CNTNAP2: variants seen among roughly 807,000 people sequenced by gnomAD.
CNTNAP2 encodes contactin associated protein 2, also known as contactin-associated protein-like 2.
CNTNAP2 carries 98 observed loss-of-function variants against 155.2 expected under a neutral mutation model. That is an observed-to-expected ratio of 0.63 (90% CI 0.54 to 0.75). The LOEUF is 0.75. Among genes scored for constraint, CNTNAP2 ranks in the 30% least tolerant of loss-of-function variants. The probability of loss-of-function intolerance (pLI) is 0.00; values close to 1 mark genes in which losing one functional copy is unlikely to be tolerated. For missense variants in CNTNAP2, 1,727 were observed against 1,688.1 expected (o/e 1.02, Z -0.40); for synonymous variants, 651 against 631.2 (o/e 1.03, Z -0.47).
intron 23 of CNTNAP2, among the ~76,000 whole-genome samples, chr7:148,411,502 G>C (rs1799836357): frequency 6.6e-6 from 1 of 152,142 alleles, no homozygotes; most frequent in Admixed American, 6.5e-5. Flanking sequence ...CTGACCTCAA[G>C]TGATCCACTC....
chr7:148,081,929 G>A (rs1489906731), intron 15 of CNTNAP2, among the ~76,000 whole-genome samples: 1 of 152,100 alleles, frequency 6.6e-6, no homozygotes, highest in Admixed American at 6.6e-5. Context: ...GCTGATAGAT[G>A]GAGTAAGCAT....
At chr7:146,715,287 G>A (rs867832783) in intron 1 of CNTNAP2, among the ~76,000 whole-genome samples, 7 of 152,092 alleles carry the variant, frequency 4.6e-5, no homozygotes, top group Non-Finnish European at 1.0e-4. Flanking sequence ...AGCAGAGATC[G>A]TGCCATTGCG....
intron 3 of CNTNAP2, among the ~76,000 whole-genome samples, chr7:147,027,004 GAAA>G (rs57810224): frequency 1.5e-5 from 1 of 67,458 alleles, no homozygotes; most frequent in East Asian, 5.6e-4. Flanking sequence ...AAACAGAACA[GAAA>G]AAAAAAAAAA....
chr7:147,483,531 T>G (rs1203414266), intron 10 of CNTNAP2, among the ~76,000 whole-genome samples: 1 of 152,160 alleles, frequency 6.6e-6, no homozygotes, highest in African/African-American at 2.4e-5. Context: ...CACATTTAGA[T>G]TCCAGCCTGG....
chr7:148,247,842 TG>T (rs1796300641), intron 20 of CNTNAP2, among the ~76,000 whole-genome samples: 2 of 151,524 alleles, frequency 1.3e-5, no homozygotes, highest in Admixed American at 1.3e-4. Flanking sequence ...TTAGTAGAGA[TG>T]AAGTTTCATC....
intron 15 of CNTNAP2, among the ~76,000 whole-genome samples, chr7:148,018,642 G>A (rs967414082): frequency 1.3e-5 from 2 of 152,178 alleles, no homozygotes; most frequent in African/African-American, 2.4e-5. Context: ...CCTTTTACTC[G>A]GTAGCAAAAG....
chr7:148,368,657 C>G (rs946235253), intron 21 of CNTNAP2, among the ~76,000 whole-genome samples: 5 of 152,196 alleles, frequency 3.3e-5, no homozygotes, highest in Admixed American at 3.3e-4. Flanking sequence ...CCGGGAGCAT[C>G]GGCAAGACTC....
intron 3 of CNTNAP2, among the ~76,000 whole-genome samples, chr7:146,945,853 G>GA (rs1425125224): frequency 1.6e-4 from 25 of 152,058 alleles, no homozygotes; most frequent in Admixed American, 1.3e-4. Context: ...TCTCCAGAAA[G>GA]AGTACAATGA....
chr7:147,476,929 TA>T (rs1220005381), intron 10 of CNTNAP2, among the ~76,000 whole-genome samples: 4,750 of 18,260 alleles, frequency 0.26, 156 homozygotes, highest in African/African-American at 0.39. Context: ...CTCTGTCATT[TA>T]AAAAAAAAAA....
chr7:146,445,120 A>AC (rs35515083), intron 1 of CNTNAP2, among the ~76,000 whole-genome samples: 81,650 of 152,040 alleles, frequency 0.54, 25,648 homozygotes, highest in African/African-American at 0.88. Flanking sequence ...AGTCACCAAA[A>AC]TTTTTATCCA....
intron 10 of CNTNAP2, among the ~76,000 whole-genome samples, chr7:147,469,610 C>T (rs1326726682): frequency 6.7e-6 from 1 of 149,358 alleles, no homozygotes; most frequent in African/African-American, 2.5e-5. Flanking sequence ...GCTCCGCCTC[C>T]CGGGTTCAAG....
intron 1 of CNTNAP2, among the ~76,000 whole-genome samples, chr7:146,310,695 C>T (rs183550573): frequency 5.9e-4 from 90 of 152,136 alleles, no homozygotes; most frequent in African/African-American, 1.4e-3. Flanking sequence ...TTACTTACTA[C>T]GATCAAAGTA....
intron 15 of CNTNAP2, among the ~76,000 whole-genome samples, chr7:148,072,003 T>C (rs546955995): frequency 2.0e-5 from 3 of 152,336 alleles, no homozygotes; most frequent in African/African-American, 7.2e-5. Flanking sequence ...CTGACTAGCG[T>C]ATTAGTTAAT....
intron 12 of CNTNAP2, among the ~76,000 whole-genome samples, chr7:147,602,547 G>A (rs1425296800): frequency 6.7e-6 from 1 of 149,816 alleles, no homozygotes; most frequent in Non-Finnish European, 1.5e-5. Context: ...GTGCAGGTTA[G>A]TTACATATGT....
intron 3 of CNTNAP2, among the ~76,000 whole-genome samples, chr7:147,027,414 A>C (rs1798943872): frequency 6.6e-6 from 1 of 152,240 alleles, no homozygotes; most frequent in African/African-American, 2.4e-5. Flanking sequence ...CACCAATATA[A>C]CAAACATATT....
chr7:148,318,339 TCACACC>T (rs1797728831), intron 21 of CNTNAP2, among the ~76,000 whole-genome samples: 2 of 152,322 alleles, frequency 1.3e-5, no homozygotes, highest in South Asian at 4.1e-4. Context: ...ATGCGAATGT[TCACACC>T]CTTCAATGTG....
intron 15 of CNTNAP2, among the ~76,000 whole-genome samples, chr7:148,114,804 A>G (rs1354132365): frequency 1.3e-5 from 2 of 152,224 alleles, no homozygotes; most frequent in African/African-American, 4.8e-5. Context: ...ATAAAGTATA[A>G]CTAAAATCGA....
At chr7:147,785,582 G>T (rs1441574050) in intron 13 of CNTNAP2, among the ~76,000 whole-genome samples, 3 of 152,208 alleles carry the variant, frequency 2.0e-5, no homozygotes, top group Non-Finnish European at 4.4e-5. Context: ...AAGAGTTGGG[G>T]ATGCTTGAAT....
intron 10 of CNTNAP2, among the ~76,000 whole-genome samples, chr7:147,479,289 A>C (rs1423161529): frequency 6.6e-6 from 1 of 152,208 alleles, no homozygotes; most frequent in African/African-American, 2.4e-5. Context: ...AGTTTTTCTA[A>C]TATCTGGCAT....
Sources: gnomAD v4.1 joint callset for allele counts (sites outside exome capture counted in the v4.1 genomes callset) on GRCh38, gnomAD v4.1.1 for gene constraint, MANE v1.5 for transcripts, NCBI Gene and HGNC (gene_info 2026-07-23, HGNC 2026-07-21) for gene names.